Variants in PHLPP1 observed in about 807,000 individuals in gnomAD.
PHLPP1 encodes PH domain and leucine rich repeat protein phosphatase 1.
A neutral mutation model predicts 117.2 loss-of-function variants in PHLPP1; 42 were observed. The observed-to-expected ratio is 0.36, with a 90% CI of 0.28 to 0.46. PHLPP1 has a LOEUF of 0.46. Ranked by LOEUF, PHLPP1 falls within the 20% of genes least tolerant of loss-of-function variation. The pLI, the probability that PHLPP1 is intolerant of heterozygous loss-of-function variation, is 1.00. For missense variants in PHLPP1, 2,084 were observed against 2,241.9 expected, an observed-to-expected ratio of 0.93 and a Z score of 1.42; for synonymous variants, 1,042 against 970.7, an observed-to-expected ratio of 1.07 and a Z score of -1.37.
chr18:62,715,697 C>T lies in PHLPP1; in HGVS notation c.14C>T (p.Ala5Val). 7.7e-7 allele frequency: 1 copy of T among 1,293,002 alleles called. No homozygotes were observed. Among genetic ancestry groups the T allele is most frequent in the Non-Finnish European group, 9.8e-7 (1 of 1,018,126 alleles). The allele number at this position is 1,293,002 out of a possible 1,614,324, so 80.1% of individuals were successfully genotyped here. Residue 5 changes from alanine (A) to valine (V), a missense_variant, in exon 1 of 17, where the codon GCC (alanine) becomes GTC (valine). Transcript: ENST00000262719. MEPA[A>V]AATVQRLPEL... ...AGCCCCACTGCAATGGAGCCCGCCG[C>T]CGCGGCCACGGTACAGCGACTCCCC...
chr18:62,795,507 A>C (rs539182285), intron 1 of PHLPP1, among the ~76,000 whole-genome samples: 10 of 151,672 alleles, frequency 6.6e-5, no homozygotes, highest in East Asian at 5.8e-4. Flanking sequence ...AAAAAAAAAA[A>C]AAAAAACAAC....
intron 6 of PHLPP1, among the ~76,000 whole-genome samples, chr18:62,897,370 T>TATTAAATTAC: frequency 1.3e-5 from 2 of 152,366 alleles, no homozygotes; most frequent in South Asian, 4.1e-4. Context: ...AATACCAGAA[T>TATTAAATTAC]AGACATTAGA....
At chr18:62,914,626 G>T (rs1917049965) in intron 8 of PHLPP1, among the ~76,000 whole-genome samples, 1 of 152,116 alleles carries the variant, frequency 6.6e-6, no homozygotes, top group Non-Finnish European at 1.5e-5. Flanking sequence ...TGTAGAAATG[G>T]AGTCTCGCTT....
chr18:62,784,124 C>A (rs765754946), intron 1 of PHLPP1, among the ~76,000 whole-genome samples: 2 of 152,156 alleles, frequency 1.3e-5, no homozygotes, highest in Non-Finnish European at 2.9e-5. Flanking sequence ...TTTCCTCCTC[C>A]TAGACTTCAC....
rs576507367 is a variant in PHLPP1, at chr18:62,931,616, C to T, written c.2961-10102C>T. On this transcript the variant is annotated intron_variant, in intron 10 of 16. Transcript: ENST00000262719. ...TAGATTAACAAAAAAAAAAAAGGGC[C>T]GGGCACGGTGGCTCATGCCTGTAAT... Among the ~76,000 whole-genome samples, 21 of 150,408 alleles carry T rather than the reference C, an allele frequency of 1.4e-4. No homozygotes were observed. In the South Asian group the frequency reaches 1.5e-3, roughly 11 times the overall value.
intron 1 of PHLPP1, among the ~76,000 whole-genome samples, chr18:62,789,010 G>T (rs1157777594): frequency 6.6e-6 from 1 of 151,990 alleles, no homozygotes; most frequent in African/African-American, 2.4e-5. Context: ...CATTCCCATC[G>T]CTGAGTTCTT....
chr18:62,770,645 T>C (rs1912731522), intron 1 of PHLPP1, among the ~76,000 whole-genome samples: 1 of 152,204 alleles, frequency 6.6e-6, no homozygotes, highest in Admixed American at 6.5e-5. Flanking sequence ...GATGTCTTCA[T>C]TAAAGATTCA....
chr18:62,764,151 G>GAA (rs1350224130), intron 1 of PHLPP1, among the ~76,000 whole-genome samples: 1 of 94,144 alleles, frequency 1.1e-5, no homozygotes, highest in East Asian at 3.9e-4. Context: ...CAACAAGAGT[G>GAA]AAACTCCATC....
intron 3 of PHLPP1, among the ~76,000 whole-genome samples, chr18:62,853,640 G>T (rs1487578223): frequency 3.3e-5 from 5 of 152,168 alleles, no homozygotes; most frequent in Admixed American, 2.0e-4. Flanking sequence ...AAAGTGCTGG[G>T]ATTACAGGCG....
intron 1 of PHLPP1, among the ~76,000 whole-genome samples, chr18:62,781,217 T>C (rs1251139530): frequency 6.6e-6 from 1 of 152,230 alleles, no homozygotes; most frequent in Non-Finnish European, 1.5e-5. Context: ...AGATAAGGTA[T>C]ATAAAGTGCT....
intron 4 of PHLPP1, among the ~76,000 whole-genome samples, chr18:62,887,093 A>AG (rs986230646): frequency 2.0e-5 from 3 of 152,168 alleles, no homozygotes; most frequent in African/African-American, 7.2e-5. Flanking sequence ...GAGAATGAAA[A>AG]GATAGTGCTT....
chr18:62,715,824 C>A lies in PHLPP1; in HGVS notation c.141C>A (p.Gly47=). 1 of 752,304 alleles carries A rather than the reference C, an allele frequency of 1.3e-6. No homozygotes were observed. Among genetic ancestry groups the A allele is most frequent in the Non-Finnish European group, 1.6e-6 (1 of 614,706 alleles). 46.6% of individuals were successfully genotyped at this position (752,304 alleles called of 1,614,324 possible). Residue 47 remains glycine (G), a synonymous_variant, in exon 1 of 17, where the codon GGC becomes GGA. Transcript: ENST00000262719. ...CGGCTCTGGCGGCGGCGGCCGGGGG[C>A]GGCCGGAGTCCGGAGCCCGCGCTGA... ...AAAALAAAAG[G]GRSPEPALTP...
chr18:62,757,058 G>T (rs1912047639), intron 1 of PHLPP1, among the ~76,000 whole-genome samples: 1 of 152,040 alleles, frequency 6.6e-6, no homozygotes, highest in South Asian at 2.1e-4. Context: ...GTGGACAAGG[G>T]GTATCCTTAA....
intron 1 of PHLPP1, among the ~76,000 whole-genome samples, chr18:62,724,685 G>A (rs1911015978): frequency 6.6e-6 from 1 of 152,108 alleles, no homozygotes; most frequent in African/African-American, 2.4e-5. Context: ...TAAAGAAATT[G>A]TGTGCTTTAC....
At chr18:62,742,510 A>T (rs1466093881) in intron 1 of PHLPP1, among the ~76,000 whole-genome samples, 2 of 151,766 alleles carry the variant, frequency 1.3e-5, no homozygotes, top group Admixed American at 1.3e-4. Context: ...ATCTTGGCTC[A>T]CTGCAACTTC....
At chr18:62,775,347 G>A (rs368534289) in intron 1 of PHLPP1, among the ~76,000 whole-genome samples, 17 of 152,226 alleles carry the variant, frequency 1.1e-4, no homozygotes, top group East Asian at 3.9e-4. Flanking sequence ...TGATCCACCC[G>A]CCTCGGCCTC....
chr18:62,943,943 A>G (rs1209206526), intron 11 of PHLPP1, among the ~76,000 whole-genome samples: 2 of 152,174 alleles, frequency 1.3e-5, no homozygotes, highest in Non-Finnish European at 2.9e-5. Flanking sequence ...GATGTATATG[A>G]TATTAAAAGG....
chr18:62,747,604 ACTC>A (rs1203360760), intron 1 of PHLPP1, among the ~76,000 whole-genome samples: 1 of 150,862 alleles, frequency 6.6e-6, no homozygotes, highest in Non-Finnish European at 1.5e-5. Context: ...GCAGCCTTGA[ACTC>A]CTGGGCTCAA....
intron 10 of PHLPP1, among the ~76,000 whole-genome samples, chr18:62,931,203 A>AC (rs1290806409): frequency 0.02 from 2,481 of 124,022 alleles, 52 homozygotes; most frequent in African/African-American, 0.049. Context: ...TCTAAAAAAA[A>AC]AAAACAACAA....
Sources: gnomAD v4.1 joint callset for allele counts (sites outside exome capture counted in the v4.1 genomes callset) on GRCh38, gnomAD v4.1.1 for gene constraint, MANE v1.5 for transcripts, NCBI Gene and HGNC (gene_info 2026-07-23, HGNC 2026-07-21) for gene names.